The following FHIT variants were observed in gnomAD, a reference collection of about 807,000 sequenced individuals.
FHIT encodes the protein bis(5'-adenosyl)-triphosphatase.
Under a neutral mutation model 17.9 loss-of-function variants are expected in FHIT, and 19 were observed. The observed-to-expected ratio is 1.06, with a 90% CI of 0.74 to 1.56. FHIT has a LOEUF of 1.56. Ranked by LOEUF, FHIT falls within the 40% of genes most tolerant of loss-of-function variation. The pLI, the probability that FHIT is intolerant of heterozygous loss-of-function variation, is 0.00. For missense variants in FHIT, 248 were observed against 189.2 expected (o/e 1.31, Z -1.82); for synonymous variants, 81 against 69.7 (o/e 1.16, Z -0.81).
chr3:59,815,152 TGCC>T (rs528283602), intron 8 of FHIT, among the ~76,000 whole-genome samples: 1 of 152,222 alleles, frequency 6.6e-6, no homozygotes, highest in Non-Finnish European at 1.5e-5. Context: ...CTTTGCTGGC[TGCC>T]TGGGAATGAG....
chr3:61,203,521 T>G (rs2039101229), intron 1 of FHIT, among the ~76,000 whole-genome samples: 1 of 152,104 alleles, frequency 6.6e-6, no homozygotes, highest in South Asian at 2.1e-4. Context: ...AAGCGGGAAT[T>G]TATCCCAGAA....
chr3:61,120,387 G>C (rs2106919447), intron 2 of FHIT, among the ~76,000 whole-genome samples: 1 of 152,274 alleles, frequency 6.6e-6, no homozygotes, highest in Non-Finnish European at 1.5e-5. Flanking sequence ...ACTACAGAAA[G>C]GCAATCTATA....
rs530482738 is a variant in FHIT, at chr3:60,161,177, T to C, written c.104-147025A>G. On this transcript the variant is annotated intron_variant, in intron 5 of 9. Transcript: ENST00000492590. Reference sequence around the variant, plus strand: ...TCTCTCTATTTTTATCTGCCCATCATGTTTAATTATCAGGCTATTAAAAGG... The same window carrying C: ...TCTCTCTATTTTTATCTGCCCATCACGTTTAATTATCAGGCTATTAAAAGG... Among the ~76,000 whole-genome samples, 5 of 152,326 alleles carry C rather than the reference T, an allele frequency of 3.3e-5. No individual in the cohort carries two copies. The East Asian group carries it at 7.7e-4, about 24-fold the overall frequency.
At chr3:60,582,774 T>C (rs782164108) in intron 4 of FHIT, among the ~76,000 whole-genome samples, 1 of 151,992 alleles carries the variant, frequency 6.6e-6, no homozygotes, top group Non-Finnish European at 1.5e-5. Context: ...CAACAACAAA[T>C]AGAAAGTAGC....
intron 5 of FHIT, among the ~76,000 whole-genome samples, chr3:60,088,571 C>T (rs1703598112): frequency 6.6e-6 from 1 of 152,176 alleles, no homozygotes; most frequent in African/African-American, 2.4e-5. Flanking sequence ...TCAGCAAGGT[C>T]TCCTCAGTTT....
chr3:60,699,778 C>T (rs1009270205), intron 4 of FHIT, among the ~76,000 whole-genome samples: 1 of 146,660 alleles, frequency 6.8e-6, no homozygotes, highest in East Asian at 1.9e-4. Flanking sequence ...CACACATACA[C>T]ACATACACAC....
chr3:59,814,818 T>C (rs2107063762), intron 8 of FHIT, among the ~76,000 whole-genome samples: 1 of 152,302 alleles, frequency 6.6e-6, no homozygotes, highest in South Asian at 2.1e-4. Flanking sequence ...TCTTGTGTAG[T>C]TCCCTTTGCT....
chr3:60,632,790 C>G (rs1441236465), intron 4 of FHIT, among the ~76,000 whole-genome samples: 1 of 152,050 alleles, frequency 6.6e-6, no homozygotes, highest in Non-Finnish European at 1.5e-5. Context: ...TTAAAAAAAA[C>G]TAAAGTTCTC....
At chr3:60,329,107 A>G (rs185512716) in intron 5 of FHIT, among the ~76,000 whole-genome samples, 1 of 152,374 alleles carries the variant, frequency 6.6e-6, no homozygotes, top group East Asian at 1.9e-4. Context: ...CTCAAGGATG[A>G]GAACCATGAC....
chr3:59,986,540 T>TATATATATATACACACAC (rs1473518719), intron 7 of FHIT, among the ~76,000 whole-genome samples: 1 of 12,440 alleles, frequency 8.0e-5, no homozygotes, highest in African/African-American at 3.5e-4. Flanking sequence ...TATATATATA[T>TATATATATATACACACAC]ACACACACAC....
intron 4 of FHIT, among the ~76,000 whole-genome samples, chr3:60,650,387 C>T (rs2039963689): frequency 6.6e-6 from 1 of 152,006 alleles, no homozygotes. Flanking sequence ...AAGAGAAAGC[C>T]CAGACTAGTC....
At chr3:60,481,280 A>G (rs201917597) in intron 5 of FHIT, among the ~76,000 whole-genome samples, 1 of 152,198 alleles carries the variant, frequency 6.6e-6, no homozygotes, top group African/African-American at 2.4e-5. Flanking sequence ...AGCTTCCCCA[A>G]CCTAGCAAGA....
At chr3:60,525,199 G>A (rs1350198397) in intron 5 of FHIT, among the ~76,000 whole-genome samples, 1 of 152,194 alleles carries the variant, frequency 6.6e-6, no homozygotes. Flanking sequence ...TCCTTACATT[G>A]ATACTTTGTT....
chr3:60,563,974 G>A (rs1280396549), intron 4 of FHIT, among the ~76,000 whole-genome samples: 1 of 152,180 alleles, frequency 6.6e-6, no homozygotes, highest in Admixed American at 6.6e-5. Flanking sequence ...CCTTCTATTG[G>A]AAGGCGATGC....
chr3:60,500,586 A>T (rs984676862), intron 5 of FHIT, among the ~76,000 whole-genome samples: 1 of 151,344 alleles, frequency 6.6e-6, no homozygotes, highest in African/African-American at 2.4e-5. Context: ...CCTGGTCAAC[A>T]TGGTAAAACC....
At chr3:60,139,054 C>T (rs913514249) in intron 5 of FHIT, among the ~76,000 whole-genome samples, 1 of 152,190 alleles carries the variant, frequency 6.6e-6, no homozygotes, top group Admixed American at 6.5e-5. Context: ...GCAAAGATCA[C>T]AGAGAATACA....
At chr3:60,564,052 G>C (rs150455297) in intron 4 of FHIT, among the ~76,000 whole-genome samples, 6 of 152,264 alleles carry the variant, frequency 3.9e-5, no homozygotes, top group African/African-American at 1.2e-4. Context: ...TGAACAAACT[G>C]AATCTCTTGT....
intron 5 of FHIT, among the ~76,000 whole-genome samples, chr3:60,087,700 A>T (rs1559620660): frequency 6.6e-6 from 1 of 152,226 alleles, no homozygotes; most frequent in Non-Finnish European, 1.5e-5. Flanking sequence ...AACAAGGGTG[A>T]CAGTTCCCAG....
intron 5 of FHIT, among the ~76,000 whole-genome samples, chr3:60,476,141 G>A (rs1038232021): frequency 1.9e-4 from 29 of 152,202 alleles, no homozygotes; most frequent in Admixed American, 1.8e-3. Context: ...ATCTCTCATT[G>A]AGGAGATATG....
Sources: allele counts gnomAD v4.1 joint callset (sites outside exome capture counted in the v4.1 genomes callset), GRCh38; gene constraint gnomAD v4.1.1; transcripts MANE v1.5; gene names NCBI Gene and HGNC (gene_info 2026-07-23, HGNC 2026-07-21).